The following NCAPG variants were observed in gnomAD, a reference collection of about 807,000 sequenced individuals.
NCAPG encodes the protein condensin complex subunit 3.
A neutral mutation model predicts 113.1 loss-of-function variants in NCAPG; 69 were observed. The ratio of observed to expected loss-of-function variants is 0.61; its 90% CI spans 0.50 to 0.75. The LOEUF (loss-of-function observed/expected upper bound fraction) is 0.75, where lower values mean the gene tolerates loss of function less well. Among genes scored for constraint, NCAPG ranks in the 30% least tolerant of loss-of-function variants. The pLI is 0.00. For missense variants in NCAPG, 1,058 were observed against 1,177.0 expected (o/e 0.90, Z 1.48); for synonymous variants, 370 against 415.8 (o/e 0.89, Z 1.34).
chr4:17,832,504 C>T (rs1159741283), intron 13 of NCAPG, among the ~76,000 whole-genome samples: 1 of 152,044 alleles, frequency 6.6e-6, no homozygotes, highest in Non-Finnish European at 1.5e-5. Flanking sequence ...GGTTTTGTAG[C>T]AGATAGGATG....
chr4:17,819,266 G>A (rs532959352), intron 7 of NCAPG, among the ~76,000 whole-genome samples: 30 of 152,142 alleles, frequency 2.0e-4, no homozygotes, highest in African/African-American at 7.2e-4. Context: ...GCAAAAGTAT[G>A]TTAAATTTCC....
Position 17,839,663 on chromosome 4 carries a change from C to A in NCAPG, c.2467-13C>A. The stretch of plus-strand genomic sequence containing the variant: ...ATCTTCAATTTACAGAGAATTTTCT[C>A]TTAATTTTTTAGGCCTTAACAGTAC... On this transcript the variant is annotated splice_polypyrimidine_tract_variant and intron_variant, in intron 16 of 20. Transcript: ENST00000251496. 6.8e-7 allele frequency: 1 copy of A among 1,471,684 alleles called. No individual in the cohort carries two copies. The highest frequency in any genetic ancestry group is 1.5e-5 in the South Asian group (1 of 68,762). 91.2% of individuals were successfully genotyped at this position (1,471,684 alleles called of 1,614,324 possible). A position where few individuals can be genotyped will look rare whatever the true frequency, so the allele number is the denominator to read the frequency against.
rs774664682 is a variant in NCAPG, at chr4:17,828,312, T to C, written c.1688T>C (p.Leu563Ser). The change falls in exon 12 of 21, where the codon TTA becomes TCA. Residue 563 changes from leucine (L) to serine (S), a missense_variant. Leu to Ser is a moderately radical substitution (Grantham distance 145). Coordinates refer to ENST00000251496, the MANE Select transcript of NCAPG (RefSeq NM_022346.5). ...GAAACATTGCAGAAATGTCTTATTT[T>C]ATGCTATGAACTGTTGAAGCAGATG... ...DAETLQKCLILCYELLKQMSI... is the reference protein window; with the variant it reads ...DAETLQKCLISCYELLKQMSI... The C allele has an allele frequency of 5.0e-6, 8 of 1,611,518 alleles. No homozygotes were observed. Among genetic ancestry groups the C allele is most frequent in the Non-Finnish European group, 6.8e-6 (8 of 1,178,776 alleles).
At chr4:17,812,119 G>C in intron 1 of NCAPG, 102 bp from the exon 2 acceptor site, 1 of 832,898 alleles carries the variant, frequency 1.2e-6, no homozygotes, top group South Asian at 1.7e-5. Flanking sequence ...ATTTTAATTT[G>C]TCTGCATTAT....
chr4:17,827,438 TA>T (rs1250938335), intron 11 of NCAPG, among the ~76,000 whole-genome samples: 1 of 152,186 alleles, frequency 6.6e-6, no homozygotes, highest in Non-Finnish European at 1.5e-5. Flanking sequence ...CAGATGATGG[TA>T]GTCTGAACAA....
At chr4:17,814,709 G>T (rs1721126826) in intron 3 of NCAPG, 144 bp from the exon 4 acceptor site, 1 of 896,256 alleles carries the variant, frequency 1.1e-6, no homozygotes, top group East Asian at 2.8e-5. Flanking sequence ...GCCTCCCAAA[G>T]TGCTGGTTAT....
rs979083488 is a variant in NCAPG, at chr4:17,843,725, G to GTCA, written c.*302_*304dup. 1 of 183,818 alleles carries GTCA rather than the reference G, an allele frequency of 5.4e-6. No individual in the cohort carries two copies. Among genetic ancestry groups the GTCA allele is most frequent in the African/African-American group, 2.3e-5 (1 of 42,596 alleles). The allele number at this position is 183,818 out of a possible 1,614,324, so 11.4% of individuals were successfully genotyped here. On this transcript the variant is annotated 3_prime_UTR_variant, in exon 21 of 21. Coordinates refer to ENST00000251496, the MANE Select transcript of NCAPG (RefSeq NM_022346.5). ...ATGAACTCTTTATGTTTAAAATCAT[G>GTCA]TCATTATGGAAAACTTACAAGTGTA... is the stretch of plus-strand genomic sequence containing the variant.
intron 7 of NCAPG, among the ~76,000 whole-genome samples, chr4:17,822,009 G>A (rs1166487358): frequency 6.6e-6 from 1 of 151,870 alleles, no homozygotes; most frequent in East Asian, 1.9e-4. Context: ...GGTAGCTGAT[G>A]GTGGTGGTGT....
rs1052838809 is a variant in NCAPG, at chr4:17,824,292, G to A, written c.1383+522G>A. ...TTGTTTACTATAATACTATTTCAGT[G>A]TTATTTTTTTCTGGCATAGCCAAAA... On this transcript the variant is annotated intron_variant, in intron 9 of 20. Coordinates refer to ENST00000251496, the MANE Select transcript of NCAPG (RefSeq NM_022346.5). Among the ~76,000 whole-genome samples, 3 of 152,138 alleles carry A rather than the reference G, an allele frequency of 2.0e-5. No homozygotes were observed. In the East Asian group the frequency reaches 5.8e-4, roughly 29 times the overall value.
chr4:17,834,233 T>A (rs1721991092), intron 13 of NCAPG, 66 bp from the exon 14 acceptor site: 1 of 1,056,466 alleles, frequency 9.5e-7, no homozygotes, highest in Non-Finnish European at 1.3e-6. Context: ...CATATTAATT[T>A]TATGTAAACA....
At chr4:17,840,036 T>G (rs748047725) in intron 17 of NCAPG, 35 bp from the exon 18 acceptor site, 8 of 1,577,580 alleles carry the variant, frequency 5.1e-6, no homozygotes, top group Non-Finnish European at 8.6e-7. Context: ...GGGAATGCGG[T>G]GTTTACAAAA....
chr4:17,835,668 G>T (rs1347029066), intron 14 of NCAPG, among the ~76,000 whole-genome samples: 1 of 152,168 alleles, frequency 6.6e-6, no homozygotes, highest in Non-Finnish European at 1.5e-5. Context: ...CCAATCCGCA[G>T]TCTGTTTCTA....
intron 15 of NCAPG, 111 bp from the exon 16 acceptor site, chr4:17,837,516 G>T: frequency 7.4e-7 from 1 of 1,352,702 alleles, no homozygotes; most frequent in Non-Finnish European, 1.0e-6. Context: ...CTCTTTCCTA[G>T]ATGAAAATGC....
chr4:17,813,693 G>A (rs1284835168), intron 3 of NCAPG, among the ~76,000 whole-genome samples: 1 of 151,878 alleles, frequency 6.6e-6, no homozygotes, highest in Non-Finnish European at 1.5e-5. Context: ...CACTCCCTTT[G>A]GGGTATCTTT....
chr4:17,836,498 G>T (rs1343385506), intron 14 of NCAPG, among the ~76,000 whole-genome samples: 1 of 152,094 alleles, frequency 6.6e-6, no homozygotes, highest in Non-Finnish European at 1.5e-5. Flanking sequence ...TCCTATCTAA[G>T]AATCCAGTGC....
At chr4:17,812,196 A>C in intron 1 of NCAPG, 25 bp from the exon 2 acceptor site, 1 of 1,590,372 alleles carries the variant, frequency 6.3e-7, no homozygotes, top group Non-Finnish European at 8.6e-7. Context: ...GGTGCAGTTT[A>C]TGAAGGGTTT....
At chr4:17,832,812 A>T (rs1721915991) in intron 13 of NCAPG, among the ~76,000 whole-genome samples, 1 of 152,082 alleles carries the variant, frequency 6.6e-6, no homozygotes, top group Non-Finnish European at 1.5e-5. Context: ...TGGACAGTAA[A>T]AGAGGAATGG....
At chr4:17,813,416 T>A (rs183548296) in intron 3 of NCAPG, 163 of 233,534 alleles carry the variant, frequency 7.0e-4, no homozygotes, top group African/African-American at 2.8e-3. Context: ...TTAAAAAAAA[T>A]TTTTTTGCAT....
intron 12 of NCAPG, among the ~76,000 whole-genome samples, chr4:17,830,772 G>C (rs187626412): frequency 2.0e-5 from 3 of 152,258 alleles, no homozygotes; most frequent in Admixed American, 2.0e-4. Context: ...GTTTTATCTT[G>C]TTCTGTGAGC....
Sources: allele counts gnomAD v4.1 joint callset (sites outside exome capture counted in the v4.1 genomes callset), GRCh38; gene constraint gnomAD v4.1.1; transcripts MANE v1.5; gene names NCBI Gene and HGNC (gene_info 2026-07-23, HGNC 2026-07-21).